The following CCDC170 variants were observed in gnomAD, a reference collection of about 807,000 sequenced individuals.
CCDC170 encodes the protein coiled-coil domain-containing protein 170.
CCDC170 carries 69 observed loss-of-function variants against 72.6 expected under a neutral mutation model. That is an observed-to-expected ratio of 0.95 (90% CI 0.78 to 1.16). The LOEUF is 1.16. Ranked by LOEUF, CCDC170 falls within the 50% of genes most tolerant of loss-of-function variation. The probability of loss-of-function intolerance (pLI) is 0.00; values close to 1 mark genes in which losing one functional copy is unlikely to be tolerated. For missense variants in CCDC170, 852 were observed against 832.5 expected, an observed-to-expected ratio of 1.02 and a Z score of -0.29; for synonymous variants, 300 against 303.9, an observed-to-expected ratio of 0.99 and a Z score of 0.13.
chr6:151,522,230 T>G (rs1782330325), intron 1 of CCDC170, among the ~76,000 whole-genome samples: 1 of 152,106 alleles, frequency 6.6e-6, no homozygotes, highest in Non-Finnish European at 1.5e-5. Context: ...ACACAAAGAT[T>G]AACAATCCTT....
chr6:151,599,130 T>A (rs1474501930), intron 9 of CCDC170, among the ~76,000 whole-genome samples: 1 of 152,248 alleles, frequency 6.6e-6, no homozygotes, highest in Non-Finnish European at 1.5e-5. Context: ...ATAGCCAATG[T>A]GTGATGCACA....
intron 6 of CCDC170, among the ~76,000 whole-genome samples, chr6:151,576,933 G>A (rs1158791792): frequency 6.6e-6 from 1 of 152,034 alleles, no homozygotes; most frequent in African/African-American, 2.4e-5. Flanking sequence ...GCTTCAGGCC[G>A]GCTCCTGCTT....
intron 6 of CCDC170, among the ~76,000 whole-genome samples, chr6:151,584,388 T>G (rs1334533138): frequency 6.6e-6 from 1 of 152,202 alleles, no homozygotes; most frequent in African/African-American, 2.4e-5. Flanking sequence ...AAAGGAATGC[T>G]TAAGTGAATG....
chr6:151,566,810 T>C (rs1776143753), intron 5 of CCDC170, among the ~76,000 whole-genome samples: 1 of 152,240 alleles, frequency 6.6e-6, no homozygotes, highest in Non-Finnish European at 1.5e-5. Context: ...GAATGAATAC[T>C]GCTTATGTTA....
chr6:151,606,753 A>C (rs1404350191), intron 9 of CCDC170, among the ~76,000 whole-genome samples: 3 of 152,178 alleles, frequency 2.0e-5, no homozygotes, highest in Middle Eastern at 3.2e-3. Flanking sequence ...AATGGAATTT[A>C]TCTCTCTTGT....
chr6:151,592,867 G>A (rs999523790), intron 7 of CCDC170, among the ~76,000 whole-genome samples: 9 of 152,140 alleles, frequency 5.9e-5, no homozygotes, highest in Admixed American at 5.9e-4. Context: ...TATAATATTC[G>A]ATTGAACATG....
chr6:151,574,766 A>G (rs528690856), intron 6 of CCDC170, among the ~76,000 whole-genome samples: 1 of 152,340 alleles, frequency 6.6e-6, no homozygotes, highest in African/African-American at 2.4e-5. Flanking sequence ...AAAAGTTCCC[A>G]GACCTGTAAT....
chr6:151,529,148 G>T (rs1029414096), intron 1 of CCDC170, among the ~76,000 whole-genome samples: 1 of 151,730 alleles, frequency 6.6e-6, no homozygotes, highest in Non-Finnish European at 1.5e-5. Flanking sequence ...TTTTCCTCCT[G>T]CATGTGTTTT....
rs935786867 is a variant in CCDC170, at chr6:151,579,231, T to C, written c.1092+5740T>C. Among the ~76,000 whole-genome samples the C allele has an allele frequency of 3.9e-5, 6 of 152,134 alleles. 1 individual carries two copies. Among genetic ancestry groups the C allele is most frequent in the Admixed American group, 6.5e-5 (1 of 15,278 alleles). The stretch of plus-strand genomic sequence containing the variant: ...AAAGGCTTATTTATTGTTTAGACTT[T>C]TTGGTGTGAAAAACAGCACAAGTTT... On this transcript the variant is annotated intron_variant, in intron 6 of 10. Transcript: ENST00000239374.
intron 1 of CCDC170, among the ~76,000 whole-genome samples, chr6:151,533,257 T>C (rs1377488742): frequency 1.3e-5 from 2 of 151,402 alleles, no homozygotes; most frequent in Non-Finnish European, 2.9e-5. Context: ...GGTTTCACCA[T>C]GTTAGCCAGG....
intron 1 of CCDC170, among the ~76,000 whole-genome samples, chr6:151,514,358 A>AGGGAAGGGAAGAAGGGG (rs1782200528): frequency 4.9e-5 from 1 of 20,320 alleles, no homozygotes; most frequent in Non-Finnish European, 9.4e-5. Flanking sequence ...GGAGGGAGGG[A>AGGGAAGGGAAGAAGGGG]GGGAGGGAGG....
At chr6:151,514,748 G>A (rs766108456) in intron 1 of CCDC170, among the ~76,000 whole-genome samples, 9 of 152,196 alleles carry the variant, frequency 5.9e-5, no homozygotes, top group Non-Finnish European at 1.2e-4. Flanking sequence ...GCATTTCAGA[G>A]TGGCTACTTT....
intron 7 of CCDC170, among the ~76,000 whole-genome samples, chr6:151,588,502 C>T (rs1030927994): frequency 1.3e-5 from 2 of 152,092 alleles, no homozygotes; most frequent in African/African-American, 4.8e-5. Flanking sequence ...TTCAGACTAG[C>T]CCAGTTCAGA....
At chr6:151,536,558 C>T (rs1782585895) in intron 2 of CCDC170, 112 bp downstream of exon 2, 4 of 1,233,626 alleles carry the variant, frequency 3.2e-6, no homozygotes, top group African/African-American at 1.5e-5. Flanking sequence ...AGGCAGATCA[C>T]GAGGTCAAGA....
rs114128980 is a variant in CCDC170, at chr6:151,533,718, C to A, written c.58-2600C>A. 3.9e-3 allele frequency among the ~76,000 whole-genome samples: 587 copies of A among 151,870 alleles called. 1 individual carries two copies. Among genetic ancestry groups the A allele is most frequent in the African/African-American group, 0.014 (566 of 41,460 alleles). On this transcript the variant is annotated intron_variant, in intron 1 of 10. Transcript: ENST00000239374. ...TCTTTAGGGAACTCTTTCCTTCCAC[C>A]TCCTTCATCTGAAGTCATTTTCCTT...
chr6:151,532,624 A>G (rs1782506743), intron 1 of CCDC170, among the ~76,000 whole-genome samples: 1 of 152,126 alleles, frequency 6.6e-6, no homozygotes, highest in Non-Finnish European at 1.5e-5. Flanking sequence ...AAAAAAAGAA[A>G]AAAAAAGAAT....
chr6:151,566,400 T>C (rs1479309341), intron 5 of CCDC170, among the ~76,000 whole-genome samples: 1 of 152,190 alleles, frequency 6.6e-6, no homozygotes, highest in East Asian at 1.9e-4. Flanking sequence ...TTTTTCAAAC[T>C]ATCTTTGGGG....
rs1777032069 is a variant in CCDC170 at position 151,619,886 on chromosome 6, A to C, written c.*1739A>C. On this transcript the variant is annotated 3_prime_UTR_variant, in exon 11 of 11. Transcript: ENST00000239374. ...ATTATTGGCTTCTTTCTTCTAGACTAAAAGAAATTAAAGAGATGAAACAAT... is the reference window on the plus strand; with the variant it reads ...ATTATTGGCTTCTTTCTTCTAGACTCAAAGAAATTAAAGAGATGAAACAAT... The C allele has an allele frequency of 6.6e-6, 1 of 152,226 alleles. No homozygotes were observed. Among genetic ancestry groups the C allele is most frequent in the African/African-American group, 2.4e-5 (1 of 41,460 alleles). The allele number at this position is 152,226 out of a possible 1,614,324, so 9.4% of individuals were successfully genotyped here.
chr6:151,596,114 T>C (rs983783589), intron 8 of CCDC170, among the ~76,000 whole-genome samples: 1 of 152,158 alleles, frequency 6.6e-6, no homozygotes, highest in African/African-American at 2.4e-5. Flanking sequence ...CTCCTGCACA[T>C]TTTCTGGGGC....
Sources: allele counts gnomAD v4.1 joint callset (sites outside exome capture counted in the v4.1 genomes callset), GRCh38; gene constraint gnomAD v4.1.1; transcripts MANE v1.5; gene names NCBI Gene and HGNC (gene_info 2026-07-23, HGNC 2026-07-21).